Variants in DST observed in about 807,000 individuals in gnomAD.
DST encodes dystonin.
Under a neutral mutation model 875.2 loss-of-function variants are expected in DST, and 253 were observed. The observed-to-expected ratio is 0.29, with a 90% CI of 0.26 to 0.32. The LOEUF is 0.32. DST is among the 10% of genes least tolerant of loss of function. The pLI is 1.00. For missense variants in DST, 8,287 were observed against 9,111.6 expected, an observed-to-expected ratio of 0.91 and a Z score of 3.68; for synonymous variants, 3,124 against 3,197.1, an observed-to-expected ratio of 0.98 and a Z score of 0.77.
At position 56,624,613 on chromosome 6, in the gene DST, T is replaced by G; in HGVS notation, c.4846A>C (p.Thr1616Pro). Residue 1616 changes from threonine to proline, a missense_variant, in exon 36 of 104, where the codon ACT becomes CCT. Around this residue, in one of 10 missense-constraint regions of DST, gnomAD observed 3,138 missense variants for 3,116.6 expected, o/e 1.01. Transcript: ENST00000680361. The stretch of plus-strand genomic sequence containing the variant: ...AGAGTGACCAGGGCAGTATATCGAG[T>G]CCTTAGGTCCATGAACTGCAAGTAA... ...LIIQEFMDLRTRYTALVTLMT... is the reference protein window; with the variant it reads ...LIIQEFMDLRPRYTALVTLMT... The G allele has an allele frequency of 6.2e-7, 1 of 1,611,820 alleles. No individual in the cohort carries two copies. Among genetic ancestry groups the G allele is most frequent in the South Asian group, 1.1e-5 (1 of 91,024 alleles).
chr6:56,737,374 T>C (rs1348458995), intron 4 of DST, among the ~76,000 whole-genome samples: 2 of 152,150 alleles, frequency 1.3e-5, no homozygotes, highest in African/African-American at 2.4e-5. Flanking sequence ...ATATTGCTGA[T>C]GAAAATGTAA....
rs145828826 is a variant in DST, at chr6:56,776,417, A to C, written c.626-41128T>G. Among the ~76,000 whole-genome samples the C allele has an allele frequency of 3.4e-3, 525 of 152,302 alleles. 1 individual carries two copies. Among genetic ancestry groups the C allele is most frequent in the African/African-American group, 0.012 (487 of 41,572 alleles). On this transcript the variant is annotated intron_variant, in intron 4 of 103. Transcript: ENST00000680361. The stretch of plus-strand genomic sequence containing the variant: ...TAATGATACTCATATCAAGTATGGA[A>C]TTTAATTAAAGATTATGTACCAGTG...
At chr6:56,521,532 T>G (rs571911807) in intron 69 of DST, among the ~76,000 whole-genome samples, 2 of 145,866 alleles carry the variant, frequency 1.4e-5, no homozygotes, top group South Asian at 2.2e-4. Flanking sequence ...ACCATCTAAG[T>G]TGCCAAAAAA....
At chr6:56,901,615 T>C (rs1046720876) in intron 2 of DST, among the ~76,000 whole-genome samples, 1 of 150,858 alleles carries the variant, frequency 6.6e-6, no homozygotes, top group Non-Finnish European at 1.5e-5. Context: ...TAAAATAAGA[T>C]AAAAAATATA....
At chr6:56,467,072 A>C (rs1486991501) in intron 98 of DST, 1 of 152,188 alleles carries the variant, frequency 6.6e-6, no homozygotes. Flanking sequence ...GTGAGAAATG[A>C]TTTTATACTT....
chr6:56,485,925 C>T (rs1031348225), intron 87 of DST, among the ~76,000 whole-genome samples: 4 of 152,144 alleles, frequency 2.6e-5, no homozygotes, highest in African/African-American at 4.8e-5. Context: ...TTTATAGACA[C>T]GCCCTGCCCC....
In DST at chr6:56,568,581, C is replaced by T. The variant is rs768454248; in HGVS notation, c.13893G>A (p.Lys4631=). The T allele has an allele frequency of 5.0e-6, 8 of 1,605,056 alleles. No homozygotes were observed. Among genetic ancestry groups the T allele is most frequent in the Non-Finnish European group, 6.8e-6 (8 of 1,175,644 alleles). The part of the protein sequence containing the change: ...SLEDTKKLQE[K]WSLKTPEIQK... The stretch of plus-strand genomic sequence containing the variant: ...GAATCTCTGGTGTTTTTAAACTCCA[C>T]TTTTCTTGTAATTTCTTGAGATATA... The change falls in exon 55 of 104, where the codon AAG becomes AAA. Residue 4631 remains lysine (K), a synonymous_variant. Coordinates refer to ENST00000680361, the MANE Select transcript of DST (RefSeq NM_001374736.1).
At chr6:56,859,945 G>A (rs1770126075) in intron 3 of DST, among the ~76,000 whole-genome samples, 1 of 152,170 alleles carries the variant, frequency 6.6e-6, no homozygotes, top group Non-Finnish European at 1.5e-5. Context: ...CAGTTCCCCA[G>A]CTCCCTCACT....
rs2098770452 is a variant in DST at position 56,630,623 on chromosome 6, C to T, written c.4143-240G>A. 3.9e-5 allele frequency among the ~76,000 whole-genome samples: 6 copies of T among 152,150 alleles called. 1 individual carries two copies. Among genetic ancestry groups the T allele is most frequent in the Admixed American group, 3.3e-4 (5 of 15,274 alleles). ...GACTGCAACATAAGATGGTTTCTTTCTAACTTTGTTTAAGTATGAGATGAA... is the reference window on the plus strand; with the variant it reads ...GACTGCAACATAAGATGGTTTCTTTTTAACTTTGTTTAAGTATGAGATGAA... On this transcript the variant is annotated intron_variant, in intron 30 of 103. Coordinates refer to ENST00000680361, the MANE Select transcript of DST (RefSeq NM_001374736.1).
chr6:56,942,681 A>G (rs1463666961), intron 2 of DST, among the ~76,000 whole-genome samples: 1 of 110,132 alleles, frequency 9.1e-6, no homozygotes, highest in Non-Finnish European at 2.0e-5. Context: ...TGTGCTTTAT[A>G]TTTACTCTAA....
intron 3 of DST, chr6:56,862,956 G>T (rs1772042302): frequency 6.6e-6 from 1 of 152,278 alleles, no homozygotes; most frequent in East Asian, 1.9e-4. Flanking sequence ...GAGAGCTCAA[G>T]ATGATGAGGT....
At chr6:56,847,353 A>G (rs141153694) in intron 4 of DST, among the ~76,000 whole-genome samples, 1 of 152,328 alleles carries the variant, frequency 6.6e-6, no homozygotes, top group African/African-American at 2.4e-5. Flanking sequence ...AATAAATAAT[A>G]AGAAGTGTTA....
chr6:56,872,832 C>CCCCTT (rs5876523), intron 3 of DST, among the ~76,000 whole-genome samples: 19 of 127,888 alleles, frequency 1.5e-4, no homozygotes, highest in African/African-American at 5.4e-4. Flanking sequence ...TCCCCCCCCC[C>CCCCTT]TTTTTTTTTT....
At chr6:56,616,316 G>C in intron 36 of DST, 1 of 1,613,636 alleles carries the variant, frequency 6.2e-7, no homozygotes, top group Non-Finnish European at 8.5e-7. Flanking sequence ...ATGCCCATAG[G>C]ATTCAAAAAA....
At chr6:56,567,496 G>C (rs1014259308) in intron 55 of DST, among the ~76,000 whole-genome samples, 1 of 147,930 alleles carries the variant, frequency 6.8e-6, no homozygotes, top group Non-Finnish European at 1.5e-5. Flanking sequence ...GATATTTATG[G>C]CAAATATAAA....
intron 12 of DST, 138 bp downstream of exon 12, chr6:56,650,788 A>G: frequency 1.8e-6 from 1 of 558,896 alleles, no homozygotes; most frequent in Non-Finnish European, 3.2e-6. Context: ...TAGAATATCA[A>G]TTCATCAAAC....
intron 80 of DST, among the ~76,000 whole-genome samples, chr6:56,499,461 TAA>T (rs962133521): frequency 2.0e-5 from 3 of 152,114 alleles, no homozygotes; most frequent in African/African-American, 7.2e-5. Context: ...GGCCAAAATA[TAA>T]AAGAGAGTTC....
chr6:56,520,287 T>C (rs1249372414), intron 69 of DST, among the ~76,000 whole-genome samples: 2 of 152,174 alleles, frequency 1.3e-5, no homozygotes, highest in South Asian at 4.1e-4. Flanking sequence ...ATTCATGTTA[T>C]CAGAGTCCCA....
intron 4 of DST, among the ~76,000 whole-genome samples, chr6:56,786,157 G>T (rs950192068): frequency 1.3e-5 from 2 of 151,840 alleles, no homozygotes; most frequent in Non-Finnish European, 2.9e-5. Context: ...TCTTTCATTT[G>T]GGGGGGAGGG....
Sources: gnomAD v4.1 joint callset for allele counts (sites outside exome capture counted in the v4.1 genomes callset) on GRCh38, gnomAD v4.1.1 for gene constraint, gnomAD v4.1.1 regional missense constraint, MANE v1.5 for transcripts, NCBI Gene and HGNC (gene_info 2026-07-23, HGNC 2026-07-21) for gene names.